The following CLEC16A variants were observed in gnomAD, a reference collection of about 807,000 sequenced individuals.
The protein encoded by CLEC16A is C-type lectin domain containing 16A.
Under a neutral mutation model 109.5 loss-of-function variants are expected in CLEC16A, and 51 were observed. The observed-to-expected ratio is 0.47, with a 90% CI of 0.37 to 0.59. CLEC16A has a LOEUF of 0.59. Among genes scored for constraint, CLEC16A ranks in the 20% least tolerant of loss-of-function variants. The pLI, the probability that CLEC16A is intolerant of heterozygous loss-of-function variation, is 0.00. For synonymous variants in CLEC16A, 673 were observed against 564.2 expected (o/e 1.19, Z -2.73); for missense variants, 1,339 against 1,394.0 (o/e 0.96, Z 0.63).
At chr16:11,010,786 G>T (rs1036212110) in intron 11 of CLEC16A, among the ~76,000 whole-genome samples, 1 of 152,128 alleles carries the variant, frequency 6.6e-6, no homozygotes, top group Admixed American at 6.6e-5. Context: ...CCGTTGTCAC[G>T]CCTCCAGCCT....
intron 22 of CLEC16A, among the ~76,000 whole-genome samples, chr16:11,155,980 G>A (rs141061192): frequency 3.3e-5 from 5 of 152,186 alleles, no homozygotes; most frequent in Non-Finnish European, 5.9e-5. Context: ...AAACATGTCA[G>A]TGTAGGATAC....
intron 2 of CLEC16A, 132 bp downstream of exon 2, chr16:10,958,042 T>C: frequency 1.3e-6 from 1 of 793,570 alleles, no homozygotes; most frequent in Non-Finnish European, 1.8e-6. Flanking sequence ...TCTATCTCTG[T>C]CTAGCTGTAA....
At chr16:10,991,973 T>G (rs2044044350) in intron 10 of CLEC16A, among the ~76,000 whole-genome samples, 2 of 152,216 alleles carry the variant, frequency 1.3e-5, no homozygotes, top group African/African-American at 4.8e-5. Context: ...AGGTGATTAA[T>G]GAGTGGGAGT....
chr16:11,095,833 AAAAAG>A (rs1035773899), intron 19 of CLEC16A, among the ~76,000 whole-genome samples: 10 of 151,642 alleles, frequency 6.6e-5, no homozygotes, highest in African/African-American at 1.9e-4. Flanking sequence ...AAAAAAAAAA[AAAAAG>A]GGAGCTAGAA....
In CLEC16A at chr16:11,174,594, C is replaced by T. The variant is rs971815175; in HGVS notation, c.2807-3741C>T. On this transcript the variant is annotated intron_variant, in intron 23 of 23. Coordinates refer to ENST00000409790, the MANE Select transcript of CLEC16A (RefSeq NM_015226.3). This position sits in a 1 kb window ranked among gnomAD's most constrained non-coding sequence, Gnocchi z 4.7. ...GTGACATGTGCACCAGTGTCAGGCT[C>T]GGCCCGGGCCAGAAGCAGATGCTCC... Among the ~76,000 whole-genome samples the T allele has an allele frequency of 2.6e-5, 4 of 152,254 alleles. No homozygotes were observed. The highest frequency in any genetic ancestry group is 5.9e-5 in the Non-Finnish European group (4 of 68,046).
intron 11 of CLEC16A, among the ~76,000 whole-genome samples, chr16:11,017,981 C>A (rs887157503): frequency 3.7e-5 from 5 of 136,404 alleles, no homozygotes; most frequent in East Asian, 2.2e-4. Flanking sequence ...TAGTTAATAA[C>A]AATTTTTAAA....
intron 11 of CLEC16A, among the ~76,000 whole-genome samples, chr16:11,005,030 G>A (rs1038937346): frequency 1.3e-5 from 2 of 152,214 alleles, no homozygotes; most frequent in African/African-American, 4.8e-5. Flanking sequence ...CACACTGGGG[G>A]AGAAATGGAC....
At chr16:11,082,666 G>T (rs975757687) in intron 19 of CLEC16A, among the ~76,000 whole-genome samples, 1 of 152,140 alleles carries the variant, frequency 6.6e-6, no homozygotes, top group Non-Finnish European at 1.5e-5. Flanking sequence ...AAGCTAAGCT[G>T]GTGCTCCCTC....
intron 19 of CLEC16A, among the ~76,000 whole-genome samples, chr16:11,100,620 T>C (rs2050862333): frequency 6.6e-6 from 1 of 152,142 alleles, no homozygotes; most frequent in Non-Finnish European, 1.5e-5. Context: ...AAGATAACAT[T>C]AGCAGCACAA....
chr16:11,062,329 A>C (rs1031312737), intron 19 of CLEC16A, among the ~76,000 whole-genome samples: 3 of 151,954 alleles, frequency 2.0e-5, no homozygotes, highest in Middle Eastern at 3.2e-3. Flanking sequence ...ATACAAAAAA[A>C]CTCCCCAAGG....
At chr16:11,094,486 G>A (rs1221093029) in intron 19 of CLEC16A, among the ~76,000 whole-genome samples, 2 of 152,238 alleles carry the variant, frequency 1.3e-5, no homozygotes, top group Non-Finnish European at 2.9e-5. Context: ...CAGAGGAGGG[G>A]CAGCTGAGAG....
Position 10,972,986 on chromosome 16 carries a change from C to G in CLEC16A, c.653C>G (p.Pro218Arg). The change falls in exon 7 of 24, where the codon CCT (proline) becomes CGT (arginine). Residue 218 changes from proline to arginine, a missense_variant. Physicochemically the swap from Pro to Arg is moderately radical, Grantham distance 103. Transcript: ENST00000409790. Reference sequence around the variant, plus strand: ...TACATCCGAGATAAAACTGCTGTTCCTTACTTCTCCAATTTGGTCTGGTTC... The same window carrying G: ...TACATCCGAGATAAAACTGCTGTTCGTTACTTCTCCAATTTGGTCTGGTTC... The part of the protein sequence containing the change: ...LHYIRDKTAV[P>R]YFSNLVWFIG... The G allele has an allele frequency of 6.2e-7, 1 of 1,611,794 alleles. No homozygotes were observed. Among genetic ancestry groups the G allele is most frequent in the South Asian group, 1.1e-5 (1 of 90,770 alleles).
At chr16:11,064,158 C>G (rs1280497445) in intron 19 of CLEC16A, among the ~76,000 whole-genome samples, 2 of 152,174 alleles carry the variant, frequency 1.3e-5, no homozygotes, top group Admixed American at 1.3e-4. Context: ...CGCCACCCAC[C>G]CACACAGTGT....
rs568458581 is a variant in CLEC16A, at chr16:11,052,674, A to G, written c.1995+1033A>G. Among the ~76,000 whole-genome samples the G allele has an allele frequency of 5.9e-5, 9 of 152,138 alleles. No individual in the cohort carries two copies. The South Asian group carries it at 1.5e-3, about 25-fold the overall frequency. ...TCTGTTTGTGGGTGGCAGTGTTTGC[A>G]CTGGACGTCCTGGCATCAGCTTTCA... On this transcript the variant is annotated intron_variant, in intron 18 of 23. Transcript: ENST00000409790.
chr16:10,951,148 C>T (rs909439385), intron 1 of CLEC16A, among the ~76,000 whole-genome samples: 1 of 152,148 alleles, frequency 6.6e-6, no homozygotes, highest in Non-Finnish European at 1.5e-5. Context: ...TGGTGATGCA[C>T]CTCGAGTGTG....
At chr16:11,084,521 T>C (rs548726233) in intron 19 of CLEC16A, among the ~76,000 whole-genome samples, 18 of 152,224 alleles carry the variant, frequency 1.2e-4, no homozygotes, top group African/African-American at 3.6e-4. Context: ...TTTCCAAAAA[T>C]AGACCATGAC....
chr16:11,143,849 C>A (rs1398485563), intron 22 of CLEC16A, among the ~76,000 whole-genome samples: 1 of 152,180 alleles, frequency 6.6e-6, no homozygotes, highest in Non-Finnish European at 1.5e-5. Context: ...AGTAACTTAC[C>A]TGGAGTTGCA....
chr16:11,015,064 C>T (rs1041292175), intron 11 of CLEC16A, among the ~76,000 whole-genome samples: 1 of 152,134 alleles, frequency 6.6e-6, no homozygotes, highest in Non-Finnish European at 1.5e-5. Context: ...AATTGGCAGA[C>T]CTATAAGGGT....
chr16:11,035,525 C>T (rs1442955518), intron 13 of CLEC16A, among the ~76,000 whole-genome samples: 2 of 152,194 alleles, frequency 1.3e-5, no homozygotes, highest in Non-Finnish European at 1.5e-5. Context: ...GTAAGAGCCA[C>T]ATGGCTGCAT....
Sources: gnomAD v4.1 joint callset for allele counts (sites outside exome capture counted in the v4.1 genomes callset) on GRCh38, gnomAD v4.1.1 for gene constraint, Gnocchi (gnomAD v3.1) non-coding constraint, MANE v1.5 for transcripts, NCBI Gene and HGNC (gene_info 2026-07-23, HGNC 2026-07-21) for gene names.